Variants in GPC6 observed in about 807,000 individuals in gnomAD.
GPC6 encodes glypican-6.
In GPC6, 14 loss-of-function variants were observed where a neutral mutation model predicts 55.2. The observed-to-expected ratio is 0.25, with a 90% CI of 0.17 to 0.40. The LOEUF is 0.40. Ranked by LOEUF, GPC6 falls within the 10% of genes least tolerant of loss-of-function variation. The pLI is 1.00. For missense variants in GPC6, 641 were observed against 708.5 expected, an observed-to-expected ratio of 0.90 and a Z score of 1.08; for synonymous variants, 278 against 259.6, an observed-to-expected ratio of 1.07 and a Z score of -0.68.
chr13:93,598,574 G>C (rs1304506090), intron 2 of GPC6, among the ~76,000 whole-genome samples: 1 of 152,114 alleles, frequency 6.6e-6, no homozygotes, highest in Non-Finnish European at 1.5e-5. Context: ...CCATTGTGGA[G>C]TCACAAAAGC....
upstream of GPC6, among the ~76,000 whole-genome samples, chr13:93,222,702 C>T (rs1381834400): frequency 6.6e-6 from 1 of 152,102 alleles, no homozygotes; most frequent in African/African-American, 2.4e-5. Context: ...CTGTCTCTTG[C>T]CTTTAAATTT....
intron 4 of GPC6, among the ~76,000 whole-genome samples, chr13:94,044,273 G>C (rs1004770615): frequency 6.6e-6 from 1 of 151,872 alleles, no homozygotes. Flanking sequence ...AAGAAGGGTA[G>C]CATACTGTAG....
At chr13:93,977,991 A>G (rs960439857) in intron 3 of GPC6, among the ~76,000 whole-genome samples, 1 of 152,220 alleles carries the variant, frequency 6.6e-6, no homozygotes, top group African/African-American at 2.4e-5. Context: ...AGTTGCTTTC[A>G]GATGACCTTG....
chr13:93,931,019 A>G (rs910270830), intron 3 of GPC6, among the ~76,000 whole-genome samples: 1 of 152,044 alleles, frequency 6.6e-6, no homozygotes, highest in Non-Finnish European at 1.5e-5. Flanking sequence ...AGATCTCGCA[A>G]GCGCTCACTC....
chr13:93,478,900 G>T (rs9561360), intron 1 of GPC6, among the ~76,000 whole-genome samples: 17,654 of 152,142 alleles, frequency 0.12, 1,314 homozygotes, highest in East Asian at 0.28. Context: ...TATATTATAG[G>T]CATGTTGGAC....
At chr13:94,019,735 A>G (rs1345136578) in intron 3 of GPC6, among the ~76,000 whole-genome samples, 2 of 152,288 alleles carry the variant, frequency 1.3e-5, no homozygotes, top group Admixed American at 6.5e-5. Context: ...CCTATTTCCT[A>G]ATAAAGTCTT....
chr13:94,189,685 A>G (rs1889318716), intron 4 of GPC6, among the ~76,000 whole-genome samples: 1 of 152,168 alleles, frequency 6.6e-6, no homozygotes, highest in South Asian at 2.1e-4. Flanking sequence ...AATTCATTCC[A>G]TTTTGTGGAG....
intron 1 of GPC6, among the ~76,000 whole-genome samples, chr13:93,368,763 CA>C: frequency 6.6e-6 from 1 of 152,082 alleles, no homozygotes; most frequent in South Asian, 2.1e-4. Flanking sequence ...GCAAAGCATC[CA>C]AAACAGCCAA....
At chr13:93,496,477 G>A (rs1024693386) in intron 1 of GPC6, among the ~76,000 whole-genome samples, 4 of 152,286 alleles carry the variant, frequency 2.6e-5, no homozygotes, top group Non-Finnish European at 5.9e-5. Flanking sequence ...CGTCTTCTGC[G>A]TCGCTCATGC....
chr13:93,729,235 A>G (rs920844854), intron 2 of GPC6, among the ~76,000 whole-genome samples: 2 of 152,174 alleles, frequency 1.3e-5, no homozygotes, highest in South Asian at 4.1e-4. Flanking sequence ...AATGCTCTAC[A>G]AGGACATTGA....
chr13:93,668,005 T>A (rs749058814), intron 2 of GPC6, among the ~76,000 whole-genome samples: 2 of 152,184 alleles, frequency 1.3e-5, no homozygotes, highest in Non-Finnish European at 2.9e-5. Context: ...GAGTTTAGAT[T>A]TGAAATGTAA....
chr13:93,675,089 C>G (rs1881533096), intron 2 of GPC6, among the ~76,000 whole-genome samples: 1 of 152,216 alleles, frequency 6.6e-6, no homozygotes, highest in Non-Finnish European at 1.5e-5. Context: ...TCCCTTGGTC[C>G]TAACTGTAAA....
intron 2 of GPC6, among the ~76,000 whole-genome samples, chr13:93,746,675 C>A (rs994690487): frequency 8.6e-5 from 13 of 152,038 alleles, no homozygotes; most frequent in Admixed American, 8.5e-4. Context: ...TAGACAATGC[C>A]CAAAGGTGTC....
chr13:93,614,235 A>C (rs1254322840), intron 2 of GPC6, among the ~76,000 whole-genome samples: 1 of 152,242 alleles, frequency 6.6e-6, no homozygotes, highest in Admixed American at 6.5e-5. Context: ...AAAATTTTTA[A>C]ACTAAATGAC....
chr13:93,461,656 G>A (rs541647867), intron 1 of GPC6, among the ~76,000 whole-genome samples: 12 of 107,110 alleles, frequency 1.1e-4, no homozygotes, highest in African/African-American at 3.2e-4. Flanking sequence ...AAGATACTAG[G>A]TCCCGGCGGG....
At chr13:93,417,816 T>C (rs938175241) in intron 1 of GPC6, among the ~76,000 whole-genome samples, 92 of 152,140 alleles carry the variant, frequency 6.0e-4, no homozygotes, top group African/African-American at 2.2e-3. Context: ...AAATCTTCTA[T>C]ATTATGAGGA....
At position 93,380,311 on chromosome 13, in the gene GPC6, G is replaced by T. The variant is rs576611491; in HGVS notation, c.160+152695G>T. Among the ~76,000 whole-genome samples the T allele has an allele frequency of 2.0e-5, 3 of 152,246 alleles. No homozygotes were observed. The South Asian group carries it at 6.2e-4, about 32-fold the overall frequency. The stretch of plus-strand genomic sequence containing the variant: ...AAATTTTGCAGCCACTTACTGAAAT[G>T]CATTGATGACCAAGGAATATTGGGG... On this transcript the variant is annotated intron_variant, in intron 1 of 8. Transcript: ENST00000377047.
intron 4 of GPC6, among the ~76,000 whole-genome samples, chr13:94,042,215 G>T (rs1594689378): frequency 6.6e-6 from 1 of 151,510 alleles, no homozygotes; most frequent in Middle Eastern, 3.4e-3. Context: ...CTTTCCCTTT[G>T]CCTTCCACCA....
At chr13:94,290,394 C>G (rs1046286389) in intron 5 of GPC6, among the ~76,000 whole-genome samples, 2 of 145,868 alleles carry the variant, frequency 1.4e-5, no homozygotes, top group African/African-American at 5.1e-5. Context: ...GCACTCCAAC[C>G]TGGGCGACAG....
Sources: allele counts gnomAD v4.1 joint callset (sites outside exome capture counted in the v4.1 genomes callset), GRCh38; gene constraint gnomAD v4.1.1; transcripts MANE v1.5; gene names NCBI Gene and HGNC (gene_info 2026-07-23, HGNC 2026-07-21).